The following COL23A1 variants were observed in gnomAD, a reference collection of about 807,000 sequenced individuals.
The protein encoded by COL23A1 is collagen type XXIII alpha 1 chain, also known as collagen alpha-1(XXIII) chain.
COL23A1 carries 97 observed loss-of-function variants against 99.3 expected under a neutral mutation model. The observed-to-expected ratio is 0.98, with a 90% CI of 0.83 to 1.16. COL23A1 has a LOEUF of 1.16. COL23A1 is among the 50% of genes most tolerant of loss of function. COL23A1 has a pLI of 0.00. For synonymous variants in COL23A1, 320 were observed against 308.2 expected (o/e 1.04, Z -0.40); for missense variants, 762 against 757.4 (o/e 1.01, Z -0.07).
intron 2 of COL23A1, among the ~76,000 whole-genome samples, chr5:178,556,771 G>T (rs1762298511): frequency 6.6e-6 from 1 of 151,646 alleles, no homozygotes; most frequent in Non-Finnish European, 1.5e-5. Context: ...TGGCCAACAT[G>T]ATGAAACCCC....
intron 2 of COL23A1, among the ~76,000 whole-genome samples, chr5:178,341,247 C>G (rs1760643915): frequency 6.6e-6 from 1 of 152,264 alleles, no homozygotes; most frequent in East Asian, 1.9e-4. Flanking sequence ...GCCTCAGCTT[C>G]TGGACTAGCT....
chr5:178,378,901 C>T (rs886373788), intron 2 of COL23A1, among the ~76,000 whole-genome samples: 2 of 152,172 alleles, frequency 1.3e-5, no homozygotes, highest in Non-Finnish European at 2.9e-5. Context: ...CCCCATCCTT[C>T]TCTTATTTGG....
intron 3 of COL23A1, among the ~76,000 whole-genome samples, chr5:178,292,907 C>G (rs1194842108): frequency 1.3e-5 from 2 of 152,138 alleles, no homozygotes; most frequent in Non-Finnish European, 2.9e-5. Flanking sequence ...GAAAGTGTCT[C>G]AGGAGGGAGT....
intron 2 of COL23A1, among the ~76,000 whole-genome samples, chr5:178,338,402 A>G (rs1171587431): frequency 6.6e-6 from 1 of 152,242 alleles, no homozygotes; most frequent in Non-Finnish European, 1.5e-5. Context: ...CACAACCCAC[A>G]GGACTCTCAG....
rs143158527 is a variant in COL23A1 at position 178,411,129 on chromosome 5, CAAT to C, written c.362-104213_362-104211del. Among the ~76,000 whole-genome samples the C allele has an allele frequency of 7.0e-3, 1,071 of 152,230 alleles. 13 individuals carry two copies. Among genetic ancestry groups the C allele is most frequent in the African/African-American group, 0.024 (1,008 of 41,550 alleles). On this transcript the variant is annotated intron_variant, in intron 2 of 28. Transcript: ENST00000390654. ...CCCACTAGGAAGGTTAAACCAACAA[CAAT>C]AACAACCCAGAAAATAACAAGTGTT...
At chr5:178,321,277 G>T (rs549006379) in intron 2 of COL23A1, among the ~76,000 whole-genome samples, 1 of 152,172 alleles carries the variant, frequency 6.6e-6, no homozygotes, top group African/African-American at 2.4e-5. Context: ...GAAATTCTCT[G>T]CCCATTAAAC....
chr5:178,302,064 CTG>C lies in COL23A1; in HGVS notation c.406+4809_406+4810del, dbSNP rs1561841499. 9.1e-4 allele frequency among the ~76,000 whole-genome samples: 127 copies of C among 138,996 alleles called. 26 individuals are homozygous for C. Among genetic ancestry groups the C allele is most frequent in the Non-Finnish European group, 9.1e-4 (59 of 64,802 alleles). 91.2% of individuals were successfully genotyped at this position (138,996 alleles called of 152,430 possible). A position where few individuals can be genotyped will look rare whatever the true frequency, so the allele number is the denominator to read the frequency against. On this transcript the variant is annotated intron_variant, in intron 3 of 28. Coordinates refer to ENST00000390654, the MANE Select transcript of COL23A1 (RefSeq NM_173465.4). ...GGAGCACGGCTTCAATGCTGCACCT[CTG>C]TGTGTGCCGCTCTGTGTGTGCCGGA...
intron 1 of COL23A1, among the ~76,000 whole-genome samples, chr5:178,583,477 G>T (rs1047836324): frequency 1.3e-5 from 2 of 152,140 alleles, no homozygotes; most frequent in Non-Finnish European, 2.9e-5. Context: ...GGGGTTGATC[G>T]TGCACACACA....
At chr5:178,265,713 C>T (rs1419893247) in intron 8 of COL23A1, 25 of 985,672 alleles carry the variant, frequency 2.5e-5, no homozygotes, top group South Asian at 4.7e-5. Context: ...CGGATTGAGC[C>T]GTGGGAAAAC....
chr5:178,590,283 G>A lies in COL23A1; in HGVS notation c.-86C>T. Reference sequence around the variant, plus strand: ...GCGAGAGGAGCAGGCGGGACAGCCCGAGGCACGAGGTCCGCCGGGCGCGGG... The same window carrying A: ...GCGAGAGGAGCAGGCGGGACAGCCCAAGGCACGAGGTCCGCCGGGCGCGGG... On this transcript the variant is annotated 5_prime_UTR_variant, in exon 1 of 29. Transcript: ENST00000390654. The surrounding 1 kb of genome is among the most constrained non-coding windows in gnomAD (Gnocchi z 5.7). The A allele has an allele frequency of 8.9e-7, 1 of 1,119,786 alleles. No homozygotes were observed. Among genetic ancestry groups the A allele is most frequent in the Non-Finnish European group, 1.1e-6 (1 of 905,106 alleles). The allele number at this position is 1,119,786 out of a possible 1,614,324, so 69.4% of individuals were successfully genotyped here.
intron 18 of COL23A1, among the ~76,000 whole-genome samples, 180 bp from the exon 19 acceptor site, chr5:178,249,386 C>T (rs1764890137): frequency 6.6e-6 from 1 of 152,208 alleles, no homozygotes; most frequent in South Asian, 2.1e-4. Context: ...TAGGGCACGC[C>T]ACTCCTGGCT....
At chr5:178,495,767 G>A (rs1423158481) in intron 2 of COL23A1, among the ~76,000 whole-genome samples, 1 of 152,130 alleles carries the variant, frequency 6.6e-6, no homozygotes, top group Admixed American at 6.5e-5. Flanking sequence ...GACAGGGTAA[G>A]TAAAAGATGG....
chr5:178,523,216 A>G (rs1288658809), intron 2 of COL23A1, among the ~76,000 whole-genome samples: 3 of 121,724 alleles, frequency 2.5e-5, no homozygotes, highest in African/African-American at 8.6e-5. Context: ...AGAGAGAGAG[A>G]GAGAGAGAGA....
intron 2 of COL23A1, among the ~76,000 whole-genome samples, chr5:178,337,604 G>C (rs1054181928): frequency 6.6e-6 from 1 of 152,046 alleles, no homozygotes; most frequent in Non-Finnish European, 1.5e-5. Context: ...GGGTAGGTGG[G>C]CTCTGCCGGG....
intron 2 of COL23A1, chr5:178,345,055 A>G (rs1760884112): frequency 1.7e-6 from 1 of 585,406 alleles, no homozygotes; most frequent in Non-Finnish European, 3.3e-6. Flanking sequence ...GTCATTTGGA[A>G]TCTTATGTTA....
intron 1 of COL23A1, among the ~76,000 whole-genome samples, chr5:178,566,730 C>T (rs1454607721): frequency 6.6e-6 from 1 of 151,968 alleles, no homozygotes; most frequent in African/African-American, 2.4e-5. Flanking sequence ...GCAGGAGAAT[C>T]ACTTGAACCC....
At chr5:178,432,316 T>C (rs1766306332) in intron 2 of COL23A1, among the ~76,000 whole-genome samples, 1 of 152,110 alleles carries the variant, frequency 6.6e-6, no homozygotes, top group Non-Finnish European at 1.5e-5. Flanking sequence ...ACACAGGTGT[T>C]GGAGGAATTG....
intron 2 of COL23A1, among the ~76,000 whole-genome samples, chr5:178,358,703 ATGTG>A (rs906038195): frequency 8.9e-5 from 12 of 135,100 alleles, no homozygotes; most frequent in African/African-American, 1.4e-4. Context: ...ATGTATGTGT[ATGTG>A]TGTATGTGTG....
At chr5:178,482,359 C>A (rs1247179374) in intron 2 of COL23A1, among the ~76,000 whole-genome samples, 2 of 151,698 alleles carry the variant, frequency 1.3e-5, no homozygotes, top group Non-Finnish European at 2.9e-5. Flanking sequence ...AAGCCAGACA[C>A]AAAAGGACAG....
Sources: allele counts gnomAD v4.1 joint callset (sites outside exome capture counted in the v4.1 genomes callset), GRCh38; gene constraint gnomAD v4.1.1; non-coding constraint Gnocchi (gnomAD v3.1); transcripts MANE v1.5; gene names NCBI Gene and HGNC (gene_info 2026-07-23, HGNC 2026-07-21).